Variants in COLEC12 observed in about 807,000 individuals in gnomAD.
COLEC12 encodes collectin-12.
In COLEC12, 33 loss-of-function variants were observed where a neutral mutation model predicts 71.1. The observed-to-expected ratio is 0.46, with a 90% CI of 0.35 to 0.62. The LOEUF is 0.62. Ranked by LOEUF, COLEC12 falls within the 20% of genes least tolerant of loss-of-function variation. The pLI is 0.00. For synonymous variants in COLEC12, 350 were observed against 353.0 expected (o/e 0.99, Z 0.10); for missense variants, 765 against 916.1 (o/e 0.84, Z 2.13).
chr18:500,399 G>T lies in COLEC12; in HGVS notation c.7+109C>A. 1.3e-6 allele frequency: 1 copy of T among 742,376 alleles called. No individual in the cohort carries two copies. The highest frequency in any genetic ancestry group is 1.8e-6 in the Non-Finnish European group (1 of 558,220). 46.0% of individuals were successfully genotyped at this position (742,376 alleles called of 1,614,324 possible). ...GCGCCCTGGCAGCCCCGACTCCCCG[G>T]GCCCGCAGCCCAAGGGAAGGTTCGC... On this transcript the variant is annotated intron_variant, in intron 1 of 9. Coordinates refer to ENST00000400256, the MANE Select transcript of COLEC12 (RefSeq NM_130386.3). This position sits in a 1 kb window ranked among gnomAD's most constrained non-coding sequence, Gnocchi z 5.3.
chr18:442,609 C>T (rs1314206177), intron 2 of COLEC12, among the ~76,000 whole-genome samples: 1 of 152,244 alleles, frequency 6.6e-6, no homozygotes, highest in African/African-American at 2.4e-5. Flanking sequence ...CCTTCTTTCT[C>T]CAAACTCCTA....
At chr18:460,243 A>T in intron 2 of COLEC12, among the ~76,000 whole-genome samples, 1 of 151,844 alleles carries the variant, frequency 6.6e-6, no homozygotes, top group East Asian at 1.9e-4. Context: ...TTCCGTGGTC[A>T]TTCGGAATGG....
chr18:353,535 G>C lies in COLEC12; in HGVS notation c.181+3865C>G, dbSNP rs370265506. Among the ~76,000 whole-genome samples, 7 of 152,330 alleles carry C rather than the reference G, an allele frequency of 4.6e-5. No individual in the cohort carries two copies. In the South Asian group the frequency reaches 1.2e-3, roughly 27 times the overall value. On this transcript the variant is annotated intron_variant, in intron 3 of 9. Coordinates refer to ENST00000400256, the MANE Select transcript of COLEC12 (RefSeq NM_130386.3). ...CCAATAAAGAATCCCTTAAGGGGAA[G>C]AATTATTTCTGTTTATATTCTCTTT...
chr18:497,258 CAGAATT>C (rs1917728960), intron 1 of COLEC12, among the ~76,000 whole-genome samples: 3 of 152,316 alleles, frequency 2.0e-5, no homozygotes, highest in Non-Finnish European at 2.9e-5. Flanking sequence ...GTTTAAATAT[CAGAATT>C]AGAAAGTCAC....
chr18:323,108 C>A (rs1161496956), intron 8 of COLEC12, among the ~76,000 whole-genome samples: 2 of 152,088 alleles, frequency 1.3e-5, no homozygotes, highest in African/African-American at 2.4e-5. Context: ...ACCTGTAGTC[C>A]CAGCTACTTG....
chr18:464,024 CTT>C (rs2143739459), intron 2 of COLEC12, among the ~76,000 whole-genome samples: 1 of 152,256 alleles, frequency 6.6e-6, no homozygotes, highest in African/African-American at 2.4e-5. Flanking sequence ...TTTCTTGGTT[CTT>C]TCTCTCCATC....
chr18:347,681 GGAATA>G (rs1477208277), intron 4 of COLEC12, among the ~76,000 whole-genome samples: 3 of 152,128 alleles, frequency 2.0e-5, no homozygotes, highest in Non-Finnish European at 4.4e-5. Context: ...CAAAAATCAA[GGAATA>G]GAATATGCTA....
chr18:476,110 A>C (rs2143763474), intron 2 of COLEC12, among the ~76,000 whole-genome samples: 1 of 152,374 alleles, frequency 6.6e-6, no homozygotes, highest in East Asian at 1.9e-4. Flanking sequence ...GCTTCAAAGA[A>C]CACACTTACT....
In COLEC12 at chr18:326,140, T is replaced by C. The variant is rs187022212; in HGVS notation, c.2064-4333A>G. Among the ~76,000 whole-genome samples, 5 of 152,366 alleles carry C rather than the reference T, an allele frequency of 3.3e-5. No individual in the cohort carries two copies. The East Asian group carries it at 5.8e-4, about 18-fold the overall frequency. On this transcript the variant is annotated intron_variant, in intron 8 of 9. Coordinates refer to ENST00000400256, the MANE Select transcript of COLEC12 (RefSeq NM_130386.3). ...AAAACTATAAGTGTCCCTTTCTAAA[T>C]ACTATTTTAGCTGCATCCCACAGAT...
At chr18:339,604 G>A (rs991978240) in intron 5 of COLEC12, among the ~76,000 whole-genome samples, 1 of 152,232 alleles carries the variant, frequency 6.6e-6, no homozygotes, top group Non-Finnish European at 1.5e-5. Flanking sequence ...AATCAGATAA[G>A]GCTTAATATT....
At chr18:385,629 G>T (rs566496135) in intron 2 of COLEC12, among the ~76,000 whole-genome samples, 37 of 152,042 alleles carry the variant, frequency 2.4e-4, no homozygotes, top group Non-Finnish European at 2.6e-4. Flanking sequence ...GGCCAAAAAT[G>T]GAAATTTTTT....
intron 2 of COLEC12, among the ~76,000 whole-genome samples, chr18:372,862 G>A (rs1212817895): frequency 3.3e-5 from 5 of 152,202 alleles, no homozygotes; most frequent in Admixed American, 2.0e-4. Flanking sequence ...AGGAAGAGGG[G>A]ATCCACATGT....
chr18:388,415 G>A (rs1047529752), intron 2 of COLEC12, among the ~76,000 whole-genome samples: 1 of 152,190 alleles, frequency 6.6e-6, no homozygotes, highest in Non-Finnish European at 1.5e-5. Flanking sequence ...TTGGCCATTA[G>A]TCTTAATTAA....
At chr18:445,612 G>A (rs998610408) in intron 2 of COLEC12, among the ~76,000 whole-genome samples, 2 of 145,948 alleles carry the variant, frequency 1.4e-5, no homozygotes, top group African/African-American at 5.1e-5. Context: ...ACCTCTGCCA[G>A]CCCCCAGAAA....
At chr18:334,562 A>G (rs12961578) in intron 6 of COLEC12, 180 bp downstream of exon 6, 332,250 of 424,822 alleles carry the variant, frequency 0.78, 130,720 homozygotes, top group East Asian at 0.98. Context: ...CGGGATGTGG[A>G]GGTTGCAGTG....
intron 2 of COLEC12, among the ~76,000 whole-genome samples, chr18:359,259 C>T (rs1459629038): frequency 6.6e-6 from 1 of 152,140 alleles, no homozygotes; most frequent in Admixed American, 6.5e-5. Flanking sequence ...GTATTTACAC[C>T]ATAGAAATTG....
chr18:456,671 A>T (rs890324399), intron 2 of COLEC12, among the ~76,000 whole-genome samples: 9 of 152,204 alleles, frequency 5.9e-5, no homozygotes, highest in African/African-American at 9.7e-5. Context: ...TTTGAGAATA[A>T]ACGATGTAAC....
In COLEC12 at chr18:455,654, C is replaced by A. The variant is rs979874658; in HGVS notation, c.58+25053G>T. Among the ~76,000 whole-genome samples, 7 of 151,902 alleles carry A rather than the reference C, an allele frequency of 4.6e-5. No homozygotes were observed. The South Asian group carries it at 1.0e-3, about 23-fold the overall frequency. ...AATGCTCCCCCTCCCTTTGCCCCCC[C>A]CTCCCCTGACAGGCCTGGGTGTGTG... On this transcript the variant is annotated intron_variant, in intron 2 of 9. Transcript: ENST00000400256.
At chr18:428,045 A>G (rs1598360007) in intron 2 of COLEC12, among the ~76,000 whole-genome samples, 1 of 152,184 alleles carries the variant, frequency 6.6e-6, no homozygotes, top group East Asian at 1.9e-4. Flanking sequence ...CAGGCAGATC[A>G]CCTGAGGTCA....
Sources: allele counts gnomAD v4.1 joint callset (sites outside exome capture counted in the v4.1 genomes callset), GRCh38; gene constraint gnomAD v4.1.1; non-coding constraint Gnocchi (gnomAD v3.1); transcripts MANE v1.5; gene names NCBI Gene and HGNC (gene_info 2026-07-23, HGNC 2026-07-21).